Variants in ALOX5AP observed in about 807,000 individuals in gnomAD.
ALOX5AP encodes arachidonate 5-lipoxygenase-activating protein.
In ALOX5AP, 9 loss-of-function variants were observed where a neutral mutation model predicts 18.5. The ratio of observed to expected loss-of-function variants is 0.49; its 90% CI spans 0.29 to 0.85. ALOX5AP has a LOEUF of 0.85. ALOX5AP is among the 40% of genes least tolerant of loss of function. The pLI, the probability that ALOX5AP is intolerant of heterozygous loss-of-function variation, is 0.08. For synonymous variants in ALOX5AP, 81 were observed against 78.6 expected, an observed-to-expected ratio of 1.03 and a Z score of -0.16; for missense variants, 172 against 202.5, an observed-to-expected ratio of 0.85 and a Z score of 0.91.
intron 1 of ALOX5AP, among the ~76,000 whole-genome samples, chr13:30,717,148 G>T (rs1217252911): frequency 6.6e-6 from 1 of 152,222 alleles, no homozygotes. Flanking sequence ...CCGGGCAAAT[G>T]AAAACACCTC....
chr13:30,719,129 G>C (rs1951573278), intron 1 of ALOX5AP, among the ~76,000 whole-genome samples: 1 of 152,194 alleles, frequency 6.6e-6, no homozygotes, highest in African/African-American at 2.4e-5. Flanking sequence ...AAGGGAAAGG[G>C]ACCTACACTT....
At chr13:30,761,628 C>A (rs1195880706) in intron 4 of ALOX5AP, among the ~76,000 whole-genome samples, 1 of 152,192 alleles carries the variant, frequency 6.6e-6, no homozygotes, top group African/African-American at 2.4e-5. Flanking sequence ...GGGCTCAAAC[C>A]ACAGAATTTA....
chr13:30,721,054 C>T (rs1951589660), intron 1 of ALOX5AP, among the ~76,000 whole-genome samples: 1 of 152,174 alleles, frequency 6.6e-6, no homozygotes, highest in South Asian at 2.1e-4. Flanking sequence ...GGAAATGGAG[C>T]TTGTCATTCA....
intron 1 of ALOX5AP, among the ~76,000 whole-genome samples, chr13:30,737,639 C>A (rs1299741923): frequency 1.3e-5 from 2 of 152,116 alleles, no homozygotes; most frequent in Non-Finnish European, 2.9e-5. Context: ...AATGGACCAG[C>A]TGGGAGCTAA....
At chr13:30,724,628 C>A (rs1176530962) in intron 1 of ALOX5AP, among the ~76,000 whole-genome samples, 1 of 152,178 alleles carries the variant, frequency 6.6e-6, no homozygotes, top group African/African-American at 2.4e-5. Flanking sequence ...TGTGTCATTC[C>A]CCAAAGATAA....
rs10655622 is a variant in ALOX5AP at position 30,729,576 on chromosome 13, A to AT, written c.117-5956dup. On this transcript the variant is annotated intron_variant, in intron 1 of 5. Coordinates refer to the ALOX5AP transcript ENST00000617770. ...GCAAAGAAATCCATGTCTAACCTGT[A>AT]TTTTTTTTTTTTTTTTTTTAGATGG... Among the ~76,000 whole-genome samples, 1,123 of 137,616 alleles carry AT rather than the reference A, an allele frequency of 8.2e-3. 16 individuals carry two copies. The highest frequency in any genetic ancestry group is 0.012 in the African/African-American group (448 of 36,938). The allele number at this position is 137,616 out of a possible 152,430, so 90.3% of individuals were successfully genotyped here.
Position 30,764,161 on chromosome 13 carries a change from C to T in ALOX5AP, c.*55C>T. The T allele has an allele frequency of 6.5e-7, 1 of 1,547,584 alleles. No individual in the cohort carries two copies. Among genetic ancestry groups the T allele is most frequent in the Non-Finnish European group, 8.8e-7 (1 of 1,138,804 alleles). On this transcript the variant is annotated 3_prime_UTR_variant, in exon 5 of 5. Coordinates refer to ENST00000380490, the MANE Select transcript of ALOX5AP (RefSeq NM_001629.4). ...CATCTAATCAATACCTACAAGTCAT[C>T]ATAATTCAGCTCTTGAGAGCATTCT...
chr13:30,743,771 CT>C (rs1951786218), intron 1 of ALOX5AP, among the ~76,000 whole-genome samples: 1 of 152,078 alleles, frequency 6.6e-6, no homozygotes, highest in Non-Finnish European at 1.5e-5. Flanking sequence ...GCATGACTCA[CT>C]TTGCTGTGTG....
chr13:30,732,936 A>G (rs1951692963), upstream of ALOX5AP, among the ~76,000 whole-genome samples: 1 of 152,102 alleles, frequency 6.6e-6, no homozygotes, highest in African/African-American at 2.4e-5. Flanking sequence ...CGGGCAGATC[A>G]CGAGGTCAGG....
chr13:30,724,669 T>C (rs1469473960), intron 1 of ALOX5AP, among the ~76,000 whole-genome samples: 1 of 152,228 alleles, frequency 6.6e-6, no homozygotes, highest in Non-Finnish European at 1.5e-5. Context: ...ATCTTCTAGC[T>C]ACTATCAATA....
intron 2 of ALOX5AP, among the ~76,000 whole-genome samples, chr13:30,748,173 C>A (rs1951824316): frequency 6.6e-6 from 1 of 152,194 alleles, no homozygotes; most frequent in African/African-American, 2.4e-5. Flanking sequence ...CCCGCCTCGG[C>A]CTCCCAGAGT....
intron 1 of ALOX5AP, among the ~76,000 whole-genome samples, chr13:30,724,151 G>A (rs908002988): frequency 2.6e-5 from 4 of 152,076 alleles, no homozygotes; most frequent in African/African-American, 9.7e-5. Flanking sequence ...GCTATAAATT[G>A]TACTTATCTT....
At chr13:30,721,956 C>A (rs762543421) in intron 1 of ALOX5AP, among the ~76,000 whole-genome samples, 1 of 152,142 alleles carries the variant, frequency 6.6e-6, no homozygotes, top group Non-Finnish European at 1.5e-5. Context: ...TCCTGACATC[C>A]TCTATAAAAA....
chr13:30,722,177 T>C (rs1294558709), intron 1 of ALOX5AP, among the ~76,000 whole-genome samples: 1 of 152,240 alleles, frequency 6.6e-6, no homozygotes, highest in Non-Finnish European at 1.5e-5. Context: ...CTCATTTCAC[T>C]TCTTACTCTT....
intron 3 of ALOX5AP, among the ~76,000 whole-genome samples, chr13:30,754,310 C>T (rs1951874998): frequency 6.6e-6 from 1 of 152,124 alleles, no homozygotes; most frequent in African/African-American, 2.4e-5. Context: ...TTTTGGAAGG[C>T]AGGAGGAATT....
chr13:30,713,763 A>T (rs1951527124), exon 1 of ALOX5AP: 1 of 1,535,606 alleles, frequency 6.5e-7, no homozygotes, highest in South Asian at 1.2e-5. Flanking sequence ...TGGCATACAC[A>T]GAAGACTCTG....
At chr13:30,718,128 T>A (rs1285945040) in intron 1 of ALOX5AP, among the ~76,000 whole-genome samples, 1 of 151,638 alleles carries the variant, frequency 6.6e-6, no homozygotes, top group Non-Finnish European at 1.5e-5. Flanking sequence ...CCTGGCTAAT[T>A]TTGTATTTTT....
intron 4 of ALOX5AP, among the ~76,000 whole-genome samples, chr13:30,756,242 C>G (rs865790666): frequency 6.6e-6 from 1 of 152,156 alleles, no homozygotes; most frequent in South Asian, 2.1e-4. Flanking sequence ...TCTTATTAAG[C>G]AATTCCTCCG....
chr13:30,732,874 G>T (rs907217634), upstream of ALOX5AP, among the ~76,000 whole-genome samples: 1 of 151,994 alleles, frequency 6.6e-6, no homozygotes, highest in African/African-American at 2.4e-5. Context: ...AAAAAGAGGG[G>T]GCCGGGCGCG....
Sources: gnomAD v4.1 joint callset for allele counts (sites outside exome capture counted in the v4.1 genomes callset) on GRCh38, gnomAD v4.1.1 for gene constraint, MANE v1.5 for transcripts, NCBI Gene and HGNC (gene_info 2026-07-23, HGNC 2026-07-21) for gene names.